TJP1: variants seen among roughly 807,000 people sequenced by gnomAD.
The protein encoded by TJP1 is tight junction protein 1, also known as tight junction protein ZO-1.
A neutral mutation model predicts 194.2 loss-of-function variants in TJP1; 43 were observed. The observed-to-expected ratio is 0.22, with a 90% CI of 0.17 to 0.29. TJP1 has a LOEUF of 0.29. Among genes scored for constraint, TJP1 ranks in the 10% least tolerant of loss-of-function variants. TJP1 has a pLI of 1.00. For synonymous variants in TJP1, 801 were observed against 779.0 expected (o/e 1.03, Z -0.47); for missense variants, 1,971 against 2,185.7 (o/e 0.90, Z 1.96).
chr15:29,853,566 T>C (rs2051728104), intron 2 of TJP1, among the ~76,000 whole-genome samples: 1 of 152,180 alleles, frequency 6.6e-6, no homozygotes, highest in African/African-American at 2.4e-5. Flanking sequence ...ATAAAAAATA[T>C]TAAAGATGAT....
At chr15:29,968,366 G>T (rs547227982) in intron 1 of TJP1, 1 of 985,380 alleles carries the variant, frequency 1.0e-6, no homozygotes, top group East Asian at 1.1e-4. Context: ...GAGGCGGGAG[G>T]CCGACGCCCG....
intron 2 of TJP1, among the ~76,000 whole-genome samples, chr15:29,912,714 A>G (rs1191078371): frequency 6.6e-6 from 1 of 151,146 alleles, no homozygotes; most frequent in Non-Finnish European, 1.5e-5. Flanking sequence ...AAAAAAAAAA[A>G]AAAAAAAAAG....
intron 2 of TJP1, among the ~76,000 whole-genome samples, chr15:29,776,287 T>C (rs565452172): frequency 6.6e-6 from 1 of 152,228 alleles, no homozygotes; most frequent in South Asian, 2.1e-4. Flanking sequence ...TATATGATTA[T>C]CTCCAAGATC....
At chr15:29,710,728 C>T in intron 24 of TJP1, 103 bp downstream of exon 24, 2 of 1,443,838 alleles carry the variant, frequency 1.4e-6, no homozygotes, top group Non-Finnish European at 1.9e-6. Flanking sequence ...CCAAAGGTTT[C>T]AAGCATGTAT....
upstream of TJP1, chr15:29,822,625 C>T (rs1185236002): frequency 8.7e-6 from 3 of 343,290 alleles, no homozygotes; most frequent in Middle Eastern, 1.4e-3. Flanking sequence ...GAAGGAAAAG[C>T]CGGGTAACCC....
At chr15:29,881,906 G>C (rs116310572) in intron 2 of TJP1, among the ~76,000 whole-genome samples, 11 of 151,784 alleles carry the variant, frequency 7.2e-5, no homozygotes, top group African/African-American at 2.7e-4. Context: ...TTTGCAAAGA[G>C]TCTGACAGAT....
chr15:29,771,308 T>C (rs372115460), intron 4 of TJP1, among the ~76,000 whole-genome samples: 170 of 152,302 alleles, frequency 1.1e-3, no homozygotes, highest in African/African-American at 3.9e-3. Flanking sequence ...GTTACAAGCC[T>C]GTACAGCATG....
chr15:29,791,687 C>T (rs574854651), intron 2 of TJP1, among the ~76,000 whole-genome samples: 1 of 152,158 alleles, frequency 6.6e-6, no homozygotes, highest in Non-Finnish European at 1.5e-5. Context: ...GCCACCATGC[C>T]CGGCCTCCAT....
chr15:29,720,919 G>GA, intron 18 of TJP1, among the ~76,000 whole-genome samples: 1 of 152,260 alleles, frequency 6.6e-6, no homozygotes, highest in African/African-American at 2.4e-5. Context: ...ATGGATGAAG[G>GA]AAACAGTGGC....
chr15:29,893,435 C>G (rs1300297546), intron 2 of TJP1, among the ~76,000 whole-genome samples: 1 of 152,192 alleles, frequency 6.6e-6, no homozygotes, highest in African/African-American at 2.4e-5. Flanking sequence ...TACCGTAGAT[C>G]AAATGTTATC....
intron 27 of TJP1, among the ~76,000 whole-genome samples, chr15:29,702,161 A>G (rs563473799): frequency 2.6e-5 from 4 of 152,086 alleles, no homozygotes; most frequent in African/African-American, 7.2e-5. Flanking sequence ...GCTGAGAATG[A>G]GGACACATTT....
At chr15:29,950,533 G>A (rs2055708387) in intron 2 of TJP1, among the ~76,000 whole-genome samples, 1 of 152,084 alleles carries the variant, frequency 6.6e-6, no homozygotes, top group Non-Finnish European at 1.5e-5. Flanking sequence ...ATCACCGTGT[G>A]CCCAGAGCAG....
intron 4 of TJP1, among the ~76,000 whole-genome samples, chr15:29,766,755 A>G (rs902997897): frequency 5.3e-5 from 8 of 152,168 alleles, no homozygotes; most frequent in African/African-American, 1.2e-4. Flanking sequence ...TTAAGCACAA[A>G]TAAGAACGAG....
chr15:29,861,133 T>C (rs2152102046), intron 2 of TJP1, among the ~76,000 whole-genome samples: 1 of 152,352 alleles, frequency 6.6e-6, no homozygotes, highest in Non-Finnish European at 1.5e-5. Context: ...TTTTCAATTC[T>C]CTTGGGTATA....
Position 29,765,416 on chromosome 15 carries a change from C to G in TJP1, c.589+850G>C, listed in dbSNP as rs2046271474. ...TATCAAAATGATCAGTCATGCATGC[C>G]CACAGAAGGAGCAAGCCACAGTCAG... On this transcript the variant is annotated intron_variant, in intron 5 of 27. Transcript: ENST00000614355. Among the ~76,000 whole-genome samples, 4 of 152,182 alleles carry G rather than the reference C, an allele frequency of 2.6e-5. No individual in the cohort carries two copies. In the South Asian group the frequency reaches 8.3e-4, roughly 32 times the overall value.
At chr15:29,820,380 A>G in intron 1 of TJP1, 1 of 616,786 alleles carries the variant, frequency 1.6e-6, no homozygotes, top group Non-Finnish European at 2.9e-6. Flanking sequence ...ATAATACAGC[A>G]TCTTAAAAAA....
At chr15:29,785,138 C>T (rs1395371063) in intron 2 of TJP1, among the ~76,000 whole-genome samples, 2 of 152,142 alleles carry the variant, frequency 1.3e-5, no homozygotes, top group African/African-American at 4.8e-5. Context: ...AGAAAATGTA[C>T]AGGATAACTT....
chr15:29,852,835 C>T lies in TJP1; in HGVS notation c.307-52133G>A, dbSNP rs150761748. On this transcript the variant is annotated intron_variant, in intron 2 of 28. Coordinates refer to the TJP1 transcript ENST00000356107. ...AGGAGAATTGCTTGAACCTGGGAGGCGGAGGTTGCAGTGAGCCGAGATCAT... is the reference window on the plus strand; with the variant it reads ...AGGAGAATTGCTTGAACCTGGGAGGTGGAGGTTGCAGTGAGCCGAGATCAT... Among the ~76,000 whole-genome samples, 162 of 151,284 alleles carry T rather than the reference C, an allele frequency of 1.1e-3. 2 individuals are homozygous for T. Among genetic ancestry groups the T allele is most frequent in the African/African-American group, 3.9e-3 (159 of 41,184 alleles).
At chr15:29,722,089 T>C (rs2042964831) in intron 18 of TJP1, among the ~76,000 whole-genome samples, 1 of 152,260 alleles carries the variant, frequency 6.6e-6, no homozygotes, top group South Asian at 2.1e-4. Flanking sequence ...ATTTGCAGCC[T>C]GGCTATGCAG....
Sources: allele counts gnomAD v4.1 joint callset (sites outside exome capture counted in the v4.1 genomes callset), GRCh38; gene constraint gnomAD v4.1.1; transcripts MANE v1.5; gene names NCBI Gene and HGNC (gene_info 2026-07-23, HGNC 2026-07-21).